ADAM12: variants seen among roughly 807,000 people sequenced by gnomAD.
ADAM12 encodes the protein ADAM metallopeptidase domain 12, also known as disintegrin and metalloproteinase domain-containing protein 12.
A neutral mutation model predicts 106.4 loss-of-function variants in ADAM12; 70 were observed. The ratio of observed to expected loss-of-function variants is 0.66; its 90% CI spans 0.54 to 0.80. The LOEUF is 0.80. Ranked by LOEUF, ADAM12 falls within the 30% of genes least tolerant of loss-of-function variation. The pLI is 0.00. For missense variants in ADAM12, 1,010 were observed against 1,171.9 expected (o/e 0.86, Z 2.02); for synonymous variants, 420 against 433.5 (o/e 0.97, Z 0.39).
At chr10:126,246,700 A>G (rs1030878115) in intron 3 of ADAM12, among the ~76,000 whole-genome samples, 1 of 152,238 alleles carries the variant, frequency 6.6e-6, no homozygotes, top group Non-Finnish European at 1.5e-5. Context: ...CATGTTAAAA[A>G]CTTTCAATAA....
intron 4 of ADAM12, among the ~76,000 whole-genome samples, chr10:126,151,431 G>C (rs1270490060): frequency 1.3e-5 from 2 of 152,098 alleles, no homozygotes; most frequent in African/African-American, 2.4e-5. Flanking sequence ...TACTAATGTT[G>C]AACTATCCTT....
intron 1 of ADAM12, among the ~76,000 whole-genome samples, chr10:126,367,863 A>G (rs547986915): frequency 1.3e-4 from 20 of 152,118 alleles, no homozygotes; most frequent in Middle Eastern, 3.4e-3. Flanking sequence ...TAAGAGAGAA[A>G]TAATAACAAT....
intron 3 of ADAM12, among the ~76,000 whole-genome samples, chr10:126,198,134 C>T (rs748958108): frequency 5.3e-5 from 8 of 152,234 alleles, no homozygotes; most frequent in Non-Finnish European, 1.0e-4. Context: ...GGGCCTTGCT[C>T]TCCTCCCTTG....
intron 10 of ADAM12, among the ~76,000 whole-genome samples, chr10:126,096,614 C>T (rs1018276688): frequency 5.3e-5 from 8 of 152,218 alleles, no homozygotes; most frequent in African/African-American, 7.2e-5. Flanking sequence ...CACAGTCACA[C>T]GGGATGCCCG....
intron 5 of ADAM12, among the ~76,000 whole-genome samples, chr10:126,130,588 G>A (rs1041248359): frequency 6.6e-6 from 1 of 152,200 alleles, no homozygotes; most frequent in Non-Finnish European, 1.5e-5. Context: ...ATGCGGGGTG[G>A]ATGTGGAGAC....
At chr10:126,204,740 C>A (rs564072514) in intron 3 of ADAM12, among the ~76,000 whole-genome samples, 409 of 152,348 alleles carry the variant, frequency 2.7e-3, no homozygotes, top group African/African-American at 9.5e-3. Context: ...TCGGACTGCA[C>A]ATTCATGAAG....
intron 6 of ADAM12, among the ~76,000 whole-genome samples, chr10:126,113,731 T>TATATATATATATATATATATATATAA (rs1176475501): frequency 3.9e-5 from 1 of 25,960 alleles, no homozygotes; most frequent in Admixed American, 6.6e-4. Flanking sequence ...TATATATATA[T>TATATATATATATATATATATATATAA]AATATATTGC....
At chr10:126,385,640 C>T (rs1856635881) in intron 1 of ADAM12, among the ~76,000 whole-genome samples, 1 of 151,916 alleles carries the variant, frequency 6.6e-6, no homozygotes, top group Non-Finnish European at 1.5e-5. Context: ...TTTGCAAAGT[C>T]TTCTTAGTGC....
intron 4 of ADAM12, among the ~76,000 whole-genome samples, chr10:126,147,735 C>T (rs981654391): frequency 1.3e-5 from 2 of 152,178 alleles, no homozygotes; most frequent in Non-Finnish European, 1.5e-5. Flanking sequence ...TGCACTTAGC[C>T]CAGATGTTAA....
intron 12 of ADAM12, 36 bp downstream of exon 12, chr10:126,071,441 G>A: frequency 3.1e-6 from 5 of 1,608,082 alleles, no homozygotes; most frequent in South Asian, 1.1e-5. Context: ...GAGGATACAA[G>A]TCTTCTTGTA....
intron 5 of ADAM12, among the ~76,000 whole-genome samples, chr10:126,126,957 G>GA (rs1956216479): frequency 2.6e-5 from 4 of 152,130 alleles, no homozygotes; most frequent in Non-Finnish European, 4.4e-5. Flanking sequence ...AGTGACAGTG[G>GA]GGCCTGGGGA....
At chr10:126,269,736 G>A (rs1424636600) in intron 3 of ADAM12, among the ~76,000 whole-genome samples, 1 of 152,160 alleles carries the variant, frequency 6.6e-6, no homozygotes, top group African/African-American at 2.4e-5. Flanking sequence ...TGCAGTGTCA[G>A]AAGGGAAGGA....
chr10:126,271,355 C>G (rs1420772486), intron 3 of ADAM12, among the ~76,000 whole-genome samples: 1 of 152,202 alleles, frequency 6.6e-6, no homozygotes, highest in East Asian at 1.9e-4. Flanking sequence ...ACTACTTACT[C>G]CTTCCCACCA....
At chr10:126,197,479 G>A (rs1191233388) in intron 3 of ADAM12, among the ~76,000 whole-genome samples, 1 of 152,246 alleles carries the variant, frequency 6.6e-6, no homozygotes, top group Non-Finnish European at 1.5e-5. Context: ...CCCTGTGGGA[G>A]AGGACAGTCG....
chr10:126,359,098 T>C (rs568727443), intron 1 of ADAM12, among the ~76,000 whole-genome samples: 1 of 152,204 alleles, frequency 6.6e-6, no homozygotes, highest in South Asian at 2.1e-4. Flanking sequence ...AACCATCATA[T>C]CTCACGAGAC....
Position 126,082,026 on chromosome 10 carries a change from TG to T in ADAM12, c.1146-10373del, listed in dbSNP as rs537347738. ...TCATTCCCTCCGTTTAATACATAGA[TG>T]GTGTCAAAGAAGCAAAACAGCCTGT... is the stretch of plus-strand genomic sequence containing the variant. On this transcript the variant is annotated intron_variant, in intron 11 of 22. Coordinates refer to ENST00000448723, the MANE Select transcript of ADAM12 (RefSeq NM_001288973.2). Among the ~76,000 whole-genome samples the T allele has an allele frequency of 3.4e-3, 521 of 152,326 alleles. 5 individuals carry two copies. The highest frequency in any genetic ancestry group is 2.7e-3 in the Non-Finnish European group (182 of 68,026).
intron 2 of ADAM12, among the ~76,000 whole-genome samples, chr10:126,325,723 G>A (rs1020824299): frequency 1.3e-5 from 2 of 152,114 alleles, no homozygotes; most frequent in African/African-American, 2.4e-5. Flanking sequence ...ACATGTCTTC[G>A]CTGGTTCCGC....
At chr10:126,111,359 G>A (rs1436220995) in intron 6 of ADAM12, among the ~76,000 whole-genome samples, 2 of 152,128 alleles carry the variant, frequency 1.3e-5, no homozygotes, top group Non-Finnish European at 1.5e-5. Context: ...TGGTGCCCAC[G>A]GGTGCACACA....
chr10:126,256,600 T>A (rs570636228), intron 3 of ADAM12, among the ~76,000 whole-genome samples: 1 of 152,338 alleles, frequency 6.6e-6, no homozygotes, highest in South Asian at 2.1e-4. Context: ...CTCACTTCCA[T>A]CTACTTCCAC....
Sources: gnomAD v4.1 joint callset for allele counts (sites outside exome capture counted in the v4.1 genomes callset) on GRCh38, gnomAD v4.1.1 for gene constraint, MANE v1.5 for transcripts, NCBI Gene and HGNC (gene_info 2026-07-23, HGNC 2026-07-21) for gene names.